Variants in SLC18A2 observed in about 807,000 individuals in gnomAD.
The protein encoded by SLC18A2 is synaptic vesicular amine transporter.
Under a neutral mutation model 59.2 loss-of-function variants are expected in SLC18A2, and 33 were observed. That is an observed-to-expected ratio of 0.56 (90% CI 0.42 to 0.75). The LOEUF (loss-of-function observed/expected upper bound fraction) is 0.75. SLC18A2 is among the 30% of genes least tolerant of loss of function. The pLI, the probability that SLC18A2 is intolerant of heterozygous loss-of-function variation, is 0.00. For missense variants in SLC18A2, 569 were observed against 668.6 expected, an observed-to-expected ratio of 0.85 and a Z score of 1.64; for synonymous variants, 228 against 253.5, an observed-to-expected ratio of 0.90 and a Z score of 0.95.
At chr10:117,276,630 A>G (rs7088569) in intron 15 of SLC18A2, among the ~76,000 whole-genome samples, 23 of 22,310 alleles carry the variant, frequency 1.0e-3, no homozygotes, top group Non-Finnish European at 1.1e-3. Context: ...AAAAAAAAAA[A>G]AAAGAAAGAA....
intron 3 of SLC18A2, among the ~76,000 whole-genome samples, chr10:117,244,890 C>T (rs1295343296): frequency 6.6e-6 from 1 of 152,256 alleles, no homozygotes; most frequent in African/African-American, 2.4e-5. Context: ...TACGTAGCCA[C>T]GTCCACGTGC....
At chr10:117,245,400 T>G (rs1844100440) in intron 3 of SLC18A2, among the ~76,000 whole-genome samples, 1 of 152,072 alleles carries the variant, frequency 6.6e-6, no homozygotes, top group African/African-American at 2.4e-5. Context: ...AGGCCCCAAG[T>G]GCTGGGCTGA....
At chr10:117,262,743 C>T (rs971994366) in intron 10 of SLC18A2, among the ~76,000 whole-genome samples, 1 of 152,030 alleles carries the variant, frequency 6.6e-6, no homozygotes, top group Non-Finnish European at 1.5e-5. Flanking sequence ...AATCATGGCT[C>T]ACTGTAGCCT....
intron 2 of SLC18A2, 139 bp from the exon 3 acceptor site, chr10:117,243,832 T>A: frequency 1.5e-6 from 1 of 654,578 alleles, no homozygotes; most frequent in Non-Finnish European, 2.6e-6. Flanking sequence ...GTGATCCACC[T>A]GCCTCAGCTT....
chr10:117,276,657 A>AAAAAGC (rs1844498846), intron 15 of SLC18A2, among the ~76,000 whole-genome samples: 1 of 151,654 alleles, frequency 6.6e-6, no homozygotes, highest in African/African-American at 2.4e-5. Context: ...AAAGAAAAAG[A>AAAAAGC]TACCAGAACC....
intron 10 of SLC18A2, among the ~76,000 whole-genome samples, chr10:117,261,988 A>G (rs896494776): frequency 3.3e-5 from 5 of 151,714 alleles, no homozygotes; most frequent in African/African-American, 9.7e-5. Context: ...GCTCACTGCA[A>G]CCTCTGCCAC....
In SLC18A2 at chr10:117,269,940, AGACTTGCAGGTG is replaced by A; in HGVS notation, c.1187-129_1187-118del. On this transcript the variant is annotated intron_variant, in intron 13 of 15. Transcript: ENST00000644641. This position sits in a 1 kb window ranked among gnomAD's most constrained non-coding sequence, Gnocchi z 5.1. ...CTACTCAAAGATTAGTATCACCCCA[AGACTTGCAGGTG>A]GTGATGACAGAAGGGGAAGAGCTGG... 9.3e-7 allele frequency: 1 copy of A among 1,077,734 alleles called. No individual in the cohort carries two copies. The highest frequency in any genetic ancestry group is 1.4e-6 in the Non-Finnish European group (1 of 739,294). The allele number at this position is 1,077,734 out of a possible 1,614,324, so 66.8% of individuals were successfully genotyped here.
chr10:117,266,687 T>A (rs376305318), intron 10 of SLC18A2, 46 bp from the exon 11 acceptor site: 12 of 1,394,234 alleles, frequency 8.6e-6, no homozygotes, highest in Non-Finnish European at 1.0e-5. Context: ...TTCTAACATA[T>A]GACTGATATC....
chr10:117,254,057 T>A lies in SLC18A2; in HGVS notation c.533T>A (p.Phe178Tyr), dbSNP rs1296681962. Residue 178 changes from phenylalanine (F) to tyrosine (Y), a missense_variant, in exon 5 of 16, where the codon TTC becomes TAC. This residue lies in a region of SLC18A2 where 377 missense variants were observed against 389.8 expected (regional missense o/e 0.97). Transcript: ENST00000644641. ...CCCCCTCTCTCGGCAGTGTTTGCCT[T>A]CTCCAGCAGCTATGCCTTCCTGCTG... ...IMFVSTIMFA[F>Y]SSSYAFLLIA... 1.2e-6 allele frequency: 2 copies of A among 1,613,540 alleles called. No individual in the cohort carries two copies. The highest frequency in any genetic ancestry group is 1.7e-6 in the Non-Finnish European group (2 of 1,180,018).
rs1844200826 is a variant in SLC18A2, at chr10:117,254,260, C to G, written c.607+129C>G. 2.6e-6 allele frequency: 3 copies of G among 1,162,424 alleles called. No homozygotes were observed. The African/African-American group carries it at 4.5e-5, about 18-fold the overall frequency. The allele number at this position is 1,162,424 out of a possible 1,614,324, so 72.0% of individuals were successfully genotyped here. On this transcript the variant is annotated intron_variant, in intron 5 of 15. Coordinates refer to ENST00000644641, the MANE Select transcript of SLC18A2 (RefSeq NM_003054.6). ...TCTTGGAGAAGGCACCCACTTTCCT[C>G]TTGGGTTCTGCTTGGTCTTACATTT...
Position 117,279,316 on chromosome 10 carries a change from T to G in SLC18A2, c.*2050T>G, listed in dbSNP as rs915761738. On this transcript the variant is annotated 3_prime_UTR_variant, in exon 16 of 16. Coordinates refer to ENST00000644641, the MANE Select transcript of SLC18A2 (RefSeq NM_003054.6). ...CAGAGGTGGTTTTTATGTTTGGACCTGGTAATACAGATACAAAAACTTTAA... is the reference window on the plus strand; with the variant it reads ...CAGAGGTGGTTTTTATGTTTGGACCGGGTAATACAGATACAAAAACTTTAA... 2.0e-5 allele frequency: 3 copies of G among 152,208 alleles called. No homozygotes were observed. Among genetic ancestry groups the G allele is most frequent in the Non-Finnish European group, 4.4e-5 (3 of 68,044 alleles). 9.4% of individuals were successfully genotyped at this position (152,208 alleles called of 1,614,324 possible). A position where few individuals can be genotyped will look rare whatever the true frequency, so the allele number is the denominator to read the frequency against.
At chr10:117,255,136 C>A in intron 6 of SLC18A2, 141 bp from the exon 7 acceptor site, 1 of 742,070 alleles carries the variant, frequency 1.3e-6, no homozygotes, top group Non-Finnish European at 2.2e-6. Flanking sequence ...TGAACTCTAA[C>A]CGAACAGAAC....
rs147856651 is a variant in SLC18A2, at chr10:117,269,244, AAC to A, written c.1187-823_1187-822del. Among the ~76,000 whole-genome samples, 5,958 of 151,968 alleles carry A rather than the reference AAC, an allele frequency of 0.039. 163 individuals carry two copies. Among genetic ancestry groups the A allele is most frequent in the South Asian group, 0.082 (396 of 4,810 alleles). The stretch of plus-strand genomic sequence containing the variant: ...ATACACAAATACAAGTACATACACA[AAC>A]ACATATACACAGACACATACACATG... On this transcript the variant is annotated intron_variant, in intron 13 of 15. Transcript: ENST00000644641. The surrounding 1 kb of genome is among the most constrained non-coding windows in gnomAD (Gnocchi z 5.1).
intron 10 of SLC18A2, 134 bp from the exon 11 acceptor site, chr10:117,266,599 T>C (rs558358427): frequency 5.7e-5 from 39 of 690,118 alleles, no homozygotes; most frequent in Non-Finnish European, 9.1e-5. Flanking sequence ...GCGCCGGATA[T>C]TAGCTGCTGG....
In SLC18A2 at chr10:117,269,671, C is replaced by CCCT. The variant is rs1277037254; in HGVS notation, c.1187-397_1187-395dup. Among the ~76,000 whole-genome samples the CCCT allele has an allele frequency of 6.6e-6, 1 of 152,138 alleles. No homozygotes were observed. The highest frequency in any genetic ancestry group is 1.5e-5 in the Non-Finnish European group (1 of 68,032). ...ACTGGCAGGGACTCAGAGGTTGGTGCCCTCCCCTCCACATGTGTCAGTGGC... is the reference window on the plus strand; with the variant it reads ...ACTGGCAGGGACTCAGAGGTTGGTGCCCTCCTCCCCTCCACATGTGTCAGTGGC... On this transcript the variant is annotated intron_variant, in intron 13 of 15. Coordinates refer to ENST00000644641, the MANE Select transcript of SLC18A2 (RefSeq NM_003054.6). The surrounding 1 kb of genome is among the most constrained non-coding windows in gnomAD (Gnocchi z 5.1).
chr10:117,276,783 CA>C (rs1414438619), intron 15 of SLC18A2, among the ~76,000 whole-genome samples: 6 of 152,096 alleles, frequency 3.9e-5, no homozygotes, highest in Non-Finnish European at 8.8e-5. Flanking sequence ...TGTGTTGCTA[CA>C]ATGACGTCTG....
intron 4 of SLC18A2, 117 bp downstream of exon 4, chr10:117,253,574 G>T (rs1362064041): frequency 3.5e-5 from 19 of 539,172 alleles, no homozygotes; most frequent in Non-Finnish European, 1.4e-5. Flanking sequence ...GGGGGTCGTG[G>T]TTGGCTCATG....
chr10:117,266,014 T>C (rs1413468714), intron 10 of SLC18A2, among the ~76,000 whole-genome samples: 6 of 139,504 alleles, frequency 4.3e-5, no homozygotes, highest in African/African-American at 8.1e-5. Flanking sequence ...CACTTGAACC[T>C]GGGAGGCAGA....
At chr10:117,266,186 G>C (rs1379299965) in intron 10 of SLC18A2, among the ~76,000 whole-genome samples, 1 of 151,072 alleles carries the variant, frequency 6.6e-6, no homozygotes, top group Non-Finnish European at 1.5e-5. Flanking sequence ...AAAGCTAACT[G>C]AAACAAGCAG....
Sources: gnomAD v4.1 joint callset for allele counts (sites outside exome capture counted in the v4.1 genomes callset) on GRCh38, gnomAD v4.1.1 for gene constraint, gnomAD v4.1.1 regional missense constraint, Gnocchi (gnomAD v3.1) non-coding constraint, MANE v1.5 for transcripts, NCBI Gene and HGNC (gene_info 2026-07-23, HGNC 2026-07-21) for gene names.